Variants in TSHZ2 observed in about 807,000 individuals in gnomAD.
TSHZ2 encodes the protein teashirt homolog 2.
A neutral mutation model predicts 74.4 loss-of-function variants in TSHZ2; 21 were observed. That is an observed-to-expected ratio of 0.28 (90% CI 0.20 to 0.41). The LOEUF (loss-of-function observed/expected upper bound fraction) is 0.41. Among genes scored for constraint, TSHZ2 ranks in the 10% least tolerant of loss-of-function variants. The probability of loss-of-function intolerance (pLI) is 1.00; values close to 1 mark genes in which losing one functional copy is unlikely to be tolerated. For missense variants in TSHZ2, 1,244 were observed against 1,293.5 expected, an observed-to-expected ratio of 0.96 and a Z score of 0.59; for synonymous variants, 540 against 515.3, an observed-to-expected ratio of 1.05 and a Z score of -0.65.
intron 2 of TSHZ2, among the ~76,000 whole-genome samples, chr20:53,444,496 G>A (rs1000908222): frequency 4.6e-5 from 7 of 152,178 alleles, no homozygotes; most frequent in Non-Finnish European, 8.8e-5. Context: ...TCACCAGGAA[G>A]GGATTGAGAG....
At chr20:53,217,485 G>A (rs6013649) in intron 1 of TSHZ2, among the ~76,000 whole-genome samples, 70,273 of 151,876 alleles carry the variant, frequency 0.46, 19,844 homozygotes, top group East Asian at 0.79. Flanking sequence ...CCAGTGAACC[G>A]TTGCACATCA....
chr20:53,195,311 T>C (rs1988835877), intron 1 of TSHZ2, among the ~76,000 whole-genome samples: 1 of 152,170 alleles, frequency 6.6e-6, no homozygotes, highest in African/African-American at 2.4e-5. Flanking sequence ...ATTCTTGGGA[T>C]CTATTTGTTC....
Position 53,255,458 on chromosome 20 carries a change from C to A in TSHZ2, c.2000C>A (p.Pro667His), listed in dbSNP as rs747120015. The part of the protein sequence containing the change: ...LMKEGSEKEK[P>H]QPLEPTSALS... ...AAAGAGGGCAGCGAGAAGGAGAAAC[C>A]CCAGCCCCTGGAGCCCACATCTGCT... is the stretch of plus-strand genomic sequence containing the variant. The change falls in exon 2 of 3, where the codon CCC becomes CAC. Residue 667 changes from proline (P) to histidine (H), a missense_variant. Pro to His is a moderately conservative substitution (Grantham distance 77). Coordinates refer to ENST00000371497, the MANE Select transcript of TSHZ2 (RefSeq NM_173485.6). This position sits in a 1 kb window ranked among gnomAD's most constrained non-coding sequence, Gnocchi z 4.1. 4.3e-6 allele frequency: 7 copies of A among 1,610,288 alleles called. No individual in the cohort carries two copies. The South Asian group carries it at 7.7e-5, about 18-fold the overall frequency.
chr20:53,207,864 T>TC (rs1159540125), intron 1 of TSHZ2, among the ~76,000 whole-genome samples: 1 of 145,934 alleles, frequency 6.9e-6, no homozygotes, highest in African/African-American at 2.5e-5. Flanking sequence ...TTTACTTTTT[T>TC]TTTTTTTTTT....
Position 53,149,435 on chromosome 20 carries a change from A to G in TSHZ2, c.41-104064A>G, listed in dbSNP as rs1001538380. Among the ~76,000 whole-genome samples, 4 of 152,150 alleles carry G rather than the reference A, an allele frequency of 2.6e-5. No homozygotes were observed. The East Asian group carries it at 5.8e-4, about 22-fold the overall frequency. ...CTGTCAACGATAGGCTAAAAGAAAG[A>G]GAGAACATCAAAAGGGAGTGAGAGA... On this transcript the variant is annotated intron_variant, in intron 1 of 2. Transcript: ENST00000371497.
intron 1 of TSHZ2, among the ~76,000 whole-genome samples, chr20:53,250,770 TAGA>T (rs2123713867): frequency 6.6e-6 from 1 of 152,014 alleles, no homozygotes; most frequent in East Asian, 1.9e-4. Context: ...GGAATCCATT[TAGA>T]AGGACAAAGT....
At chr20:53,380,365 A>G (rs1239890523) in intron 2 of TSHZ2, among the ~76,000 whole-genome samples, 1 of 152,228 alleles carries the variant, frequency 6.6e-6, no homozygotes, top group East Asian at 1.9e-4. Context: ...CATCCATGAT[A>G]GTATGAATTA....
intron 1 of TSHZ2, among the ~76,000 whole-genome samples, chr20:53,001,230 G>GTGTGTA (rs755040371): frequency 8.2e-4 from 104 of 126,208 alleles, no homozygotes; most frequent in African/African-American, 2.6e-3. Context: ...GTGTGTGTGT[G>GTGTGTA]TGTGTGTGTG....
At chr20:53,069,826 C>T (rs1985116233) in intron 1 of TSHZ2, among the ~76,000 whole-genome samples, 1 of 152,058 alleles carries the variant, frequency 6.6e-6, no homozygotes, top group South Asian at 2.1e-4. Flanking sequence ...TTCTTATTAA[C>T]ATGCAATTGT....
chr20:53,078,982 A>G (rs566618230), intron 1 of TSHZ2, among the ~76,000 whole-genome samples: 2 of 152,332 alleles, frequency 1.3e-5, no homozygotes, highest in African/African-American at 2.4e-5. Flanking sequence ...AACCCCTGGC[A>G]GTGGACGAGC....
intron 1 of TSHZ2, among the ~76,000 whole-genome samples, chr20:53,119,816 G>A (rs563586882): frequency 1.3e-5 from 2 of 152,200 alleles, no homozygotes; most frequent in African/African-American, 2.4e-5. Flanking sequence ...TTGGGGCTTC[G>A]TAAAGCTTTA....
intron 2 of TSHZ2, among the ~76,000 whole-genome samples, chr20:53,299,398 A>G (rs999612121): frequency 6.6e-6 from 1 of 152,242 alleles, no homozygotes; most frequent in African/African-American, 2.4e-5. Flanking sequence ...TCTTTACAAA[A>G]AATATTTTAT....
chr20:53,258,900 G>A lies in TSHZ2; in HGVS notation c.*8+2329G>A, dbSNP rs117359726. 2.8e-3 allele frequency among the ~76,000 whole-genome samples: 425 copies of A among 152,264 alleles called. 15 individuals are homozygous for A. The East Asian group carries it at 0.067, about 24-fold the overall frequency. On this transcript the variant is annotated intron_variant, in intron 2 of 2. Transcript: ENST00000371497. Reference sequence around the variant, plus strand: ...GTTTGGGACTCACTCAAAGCCATGGGCGTGTATGTATGTTTTGTAAACAGA... The same window carrying A: ...GTTTGGGACTCACTCAAAGCCATGGACGTGTATGTATGTTTTGTAAACAGA...
intron 2 of TSHZ2, among the ~76,000 whole-genome samples, chr20:53,258,488 A>G (rs1990531099): frequency 6.6e-6 from 1 of 152,162 alleles, no homozygotes; most frequent in Admixed American, 6.5e-5. Context: ...TATAACAAAG[A>G]CCACTTTTCC....
chr20:53,092,354 G>A (rs968970310), intron 1 of TSHZ2, among the ~76,000 whole-genome samples: 5 of 152,170 alleles, frequency 3.3e-5, no homozygotes, highest in East Asian at 3.9e-4. Flanking sequence ...TTCATTCTCC[G>A]TCTTAACACT....
At chr20:53,108,010 T>G (rs1031139027) in intron 1 of TSHZ2, among the ~76,000 whole-genome samples, 1 of 152,256 alleles carries the variant, frequency 6.6e-6, no homozygotes, top group Non-Finnish European at 1.5e-5. Flanking sequence ...TGTTTTGTTT[T>G]GTTTTTAATT....
chr20:53,424,698 A>G (rs6022456), intron 2 of TSHZ2, among the ~76,000 whole-genome samples: 253 of 152,004 alleles, frequency 1.7e-3, no homozygotes, highest in African/African-American at 5.8e-3. Flanking sequence ...TGCATTAGCT[A>G]TTTTTCCTGA....
At chr20:53,265,837 A>G (rs1238358613) in intron 2 of TSHZ2, among the ~76,000 whole-genome samples, 2 of 152,232 alleles carry the variant, frequency 1.3e-5, no homozygotes, top group African/African-American at 2.4e-5. Context: ...CTTCTTCAGG[A>G]CAGAGAGGCA....
At position 53,488,598 on chromosome 20, in the gene TSHZ2, T is replaced by C. The variant is rs1246398296; in HGVS notation, c.*1463T>C. On this transcript the variant is annotated 3_prime_UTR_variant, in exon 3 of 3. Transcript: ENST00000371497. ...AAATACGTCTGGATTATGTGGTAAA[T>C]TGCTACTCAGCTATGGTGAAATATT... 5.6e-6 allele frequency: 1 copy of C among 178,896 alleles called. No individual in the cohort carries two copies. Among genetic ancestry groups the C allele is most frequent in the Non-Finnish European group, 1.2e-5 (1 of 84,788 alleles). The allele number at this position is 178,896 out of a possible 1,614,324, so 11.1% of individuals were successfully genotyped here.
Sources: gnomAD v4.1 joint callset for allele counts (sites outside exome capture counted in the v4.1 genomes callset) on GRCh38, gnomAD v4.1.1 for gene constraint, Gnocchi (gnomAD v3.1) non-coding constraint, MANE v1.5 for transcripts, NCBI Gene and HGNC (gene_info 2026-07-23, HGNC 2026-07-21) for gene names.